Variants in PARD3 observed in about 807,000 individuals in gnomAD.
The protein encoded by PARD3 is partitioning defective 3 homolog.
Under a neutral mutation model 155.4 loss-of-function variants are expected in PARD3, and 75 were observed. That is an observed-to-expected ratio of 0.48 (90% confidence interval 0.40 to 0.58). The LOEUF (loss-of-function observed/expected upper bound fraction) is 0.58. PARD3 is among the 20% of genes least tolerant of loss of function. The pLI is 0.00. For missense variants in PARD3, 1,642 were observed against 1,721.7 expected, an observed-to-expected ratio of 0.95 and a Z score of 0.82; for synonymous variants, 576 against 610.5, an observed-to-expected ratio of 0.94 and a Z score of 0.83.
intron 2 of PARD3, among the ~76,000 whole-genome samples, chr10:34,648,581 A>T (rs1262146076): frequency 2.6e-5 from 4 of 152,138 alleles, no homozygotes; most frequent in African/African-American, 9.7e-5. Context: ...GATTCTCAAA[A>T]GGGGCGTGCA....
At chr10:34,671,360 C>T (rs11009858) in intron 2 of PARD3, among the ~76,000 whole-genome samples, 43,883 of 151,990 alleles carry the variant, frequency 0.29, 7,281 homozygotes, top group Non-Finnish European at 0.38. Context: ...AAGTGATGCA[C>T]GCAAGTCAAA....
intron 5 of PARD3, among the ~76,000 whole-genome samples, chr10:34,405,468 C>T (rs118011751): frequency 0.03 from 4,578 of 151,924 alleles, 87 homozygotes; most frequent in Middle Eastern, 0.061. Context: ...CTGTGCTTTG[C>T]TATATACAAA....
At chr10:34,767,644 AC>A (rs1838267861) in intron 1 of PARD3, among the ~76,000 whole-genome samples, 1 of 151,704 alleles carries the variant, frequency 6.6e-6, no homozygotes, top group Non-Finnish European at 1.5e-5. Flanking sequence ...TGTCACCCAG[AC>A]TGGAGAGCAG....
intron 2 of PARD3, among the ~76,000 whole-genome samples, chr10:34,557,937 C>CAA (rs1302011181): frequency 1.2e-4 from 9 of 73,042 alleles, no homozygotes; most frequent in Admixed American, 4.7e-4. Flanking sequence ...GACCCTGACT[C>CAA]AAAAAAAAAA....
At chr10:34,424,882 G>A (rs1364382911) in intron 5 of PARD3, among the ~76,000 whole-genome samples, 1 of 151,914 alleles carries the variant, frequency 6.6e-6, no homozygotes, top group African/African-American at 2.4e-5. Context: ...GCAGGCAACT[G>A]GGCAAAAATC....
intron 5 of PARD3, among the ~76,000 whole-genome samples, chr10:34,420,451 T>C (rs1846079585): frequency 6.6e-6 from 1 of 152,182 alleles, no homozygotes; most frequent in African/African-American, 2.4e-5. Context: ...GGGTGTATGA[T>C]CTTAAAGAGG....
intron 19 of PARD3, among the ~76,000 whole-genome samples, chr10:34,324,508 T>A (rs1958567593): frequency 6.6e-6 from 1 of 152,046 alleles, no homozygotes; most frequent in Non-Finnish European, 1.5e-5. Context: ...CAGGCAAGGG[T>A]AAGCACGGAC....
chr10:34,678,208 G>A (rs955297004), intron 2 of PARD3, among the ~76,000 whole-genome samples: 1 of 152,046 alleles, frequency 6.6e-6, no homozygotes, highest in Non-Finnish European at 1.5e-5. Flanking sequence ...CAGAGTGGCT[G>A]GGCCTATAGG....
chr10:34,331,679 A>AT (rs1414725756), intron 18 of PARD3, among the ~76,000 whole-genome samples: 1 of 152,196 alleles, frequency 6.6e-6, no homozygotes, highest in African/African-American at 2.4e-5. Context: ...CTGGAAGCTC[A>AT]TTTGAAAAGC....
At chr10:34,704,906 A>AT (rs1034870143) in intron 1 of PARD3, among the ~76,000 whole-genome samples, 2 of 152,200 alleles carry the variant, frequency 1.3e-5, no homozygotes, top group African/African-American at 4.8e-5. Flanking sequence ...AAAACATTTC[A>AT]TTTTTTTGTT....
intron 14 of PARD3, among the ~76,000 whole-genome samples, chr10:34,352,677 C>T (rs1054815188): frequency 6.6e-6 from 1 of 152,188 alleles, no homozygotes; most frequent in African/African-American, 2.4e-5. Context: ...AGTGCAGTGG[C>T]GTGATCTCAG....
chr10:34,313,024 A>G (rs527962596), intron 20 of PARD3, among the ~76,000 whole-genome samples: 2 of 152,338 alleles, frequency 1.3e-5, no homozygotes, highest in East Asian at 3.9e-4. Context: ...ATGTTGCTTA[A>G]GAAGGCTGCT....
At chr10:34,628,583 T>C (rs1025734350) in intron 2 of PARD3, among the ~76,000 whole-genome samples, 3 of 152,250 alleles carry the variant, frequency 2.0e-5, no homozygotes, top group Non-Finnish European at 4.4e-5. Context: ...AGAGCTGCAC[T>C]TGGCCTTAGC....
chr10:34,636,697 T>A (rs1016823186), intron 2 of PARD3, among the ~76,000 whole-genome samples: 36 of 152,316 alleles, frequency 2.4e-4, no homozygotes, highest in African/African-American at 7.2e-4. Context: ...GTCTCCACGT[T>A]AATTTGACTG....
chr10:34,747,660 C>T (rs1383979459), intron 1 of PARD3, among the ~76,000 whole-genome samples: 2 of 152,184 alleles, frequency 1.3e-5, no homozygotes, highest in Non-Finnish European at 2.9e-5. Context: ...GAGCTGGTGT[C>T]GTGGTATGCC....
intron 4 of PARD3, among the ~76,000 whole-genome samples, chr10:34,454,509 CTATAAATCAAAAAT>C (rs994343639): frequency 2.4e-4 from 37 of 152,004 alleles, no homozygotes; most frequent in African/African-American, 8.2e-4. Flanking sequence ...CAAATTATAA[CTATAAATCAAAAAT>C]TTTAAATCAA....
intron 2 of PARD3, among the ~76,000 whole-genome samples, chr10:34,624,600 G>A (rs940327909): frequency 6.6e-6 from 1 of 152,250 alleles, no homozygotes; most frequent in African/African-American, 2.4e-5. Context: ...GAGCCCAGAA[G>A]CCACCAGGAG....
At chr10:34,598,457 A>C (rs2089484425) in intron 2 of PARD3, among the ~76,000 whole-genome samples, 1 of 152,244 alleles carries the variant, frequency 6.6e-6, no homozygotes, top group Non-Finnish European at 1.5e-5. Context: ...TTCAAAGGCA[A>C]AAATAAATAG....
chr10:34,331,021 C>G, intron 19 of PARD3, 96 bp downstream of exon 19: 1 of 848,296 alleles, frequency 1.2e-6, no homozygotes, highest in South Asian at 1.7e-5. Context: ...AGAGATTACC[C>G]TGAAGAATCT....
Sources: gnomAD v4.1 joint callset for allele counts (sites outside exome capture counted in the v4.1 genomes callset) on GRCh38, gnomAD v4.1.1 for gene constraint, MANE v1.5 for transcripts, NCBI Gene and HGNC (gene_info 2026-07-23, HGNC 2026-07-21) for gene names.